The following THBS4 variants were observed in gnomAD, a reference collection of about 807,000 sequenced individuals.
THBS4 encodes thrombospondin-4.
Under a neutral mutation model 115.7 loss-of-function variants are expected in THBS4, and 90 were observed. That is an observed-to-expected ratio of 0.78 (90% CI 0.66 to 0.93). THBS4 has a LOEUF of 0.93. Ranked by LOEUF, THBS4 falls within the 40% of genes least tolerant of loss-of-function variation. The pLI, the probability that THBS4 is intolerant of heterozygous loss-of-function variation, is 0.00. For synonymous variants in THBS4, 460 were observed against 479.3 expected, an observed-to-expected ratio of 0.96 and a Z score of 0.53; for missense variants, 1,087 against 1,232.7, an observed-to-expected ratio of 0.88 and a Z score of 1.77.
rs772225176 is a variant in THBS4 at position 80,061,848 on chromosome 5, G to A, written c.1125+16G>A. 9 of 1,599,798 alleles carry A rather than the reference G, an allele frequency of 5.6e-6. No homozygotes were observed. Among genetic ancestry groups the A allele is most frequent in the Middle Eastern group, 1.7e-4 (1 of 5,968 alleles). ...AAACAAGCAGGTAGGCTGAAGTCAT[G>A]GTTTCTATTCATTTCTCATCTTAAC... is the stretch of plus-strand genomic sequence containing the variant. On this transcript the variant is annotated intron_variant, in intron 8 of 21. Transcript: ENST00000350881.
chr5:79,993,129 C>A (rs1390550854), intron 1 of THBS4, among the ~76,000 whole-genome samples: 1 of 152,354 alleles, frequency 6.6e-6, no homozygotes, highest in East Asian at 1.9e-4. Flanking sequence ...GTTTGGCCTT[C>A]TTCCGTACTG....
rs569771053 is a variant in THBS4 at position 80,074,076 on chromosome 5, T to C, written c.1892+749T>C. On this transcript the variant is annotated intron_variant, in intron 15 of 21. Transcript: ENST00000350881. ...CCATCGTGAAGATTGAGTTGATCCATGGAAAGTGCTCATTATGGTTTCTGT... is the reference window on the plus strand; with the variant it reads ...CCATCGTGAAGATTGAGTTGATCCACGGAAAGTGCTCATTATGGTTTCTGT... 3.9e-5 allele frequency among the ~76,000 whole-genome samples: 6 copies of C among 152,236 alleles called. No homozygotes were observed. The South Asian group carries it at 8.3e-4, about 21-fold the overall frequency.
At chr5:80,034,559 C>T (rs1240692008), upstream of THBS4, among the ~76,000 whole-genome samples, 1 of 152,188 alleles carries the variant, frequency 6.6e-6, no homozygotes, top group African/African-American at 2.4e-5. Flanking sequence ...CCTCCGATCT[C>T]TTTCAAGTTC....
chr5:80,003,851 T>C (rs1178438031), intron 2 of THBS4, among the ~76,000 whole-genome samples: 2 of 152,222 alleles, frequency 1.3e-5, no homozygotes, highest in Non-Finnish European at 2.9e-5. Flanking sequence ...CAAAAGCCGC[T>C]TGTTGAGAGG....
chr5:80,037,129 TATA>T (rs1224295140), intron 1 of THBS4, among the ~76,000 whole-genome samples: 4 of 152,206 alleles, frequency 2.6e-5, no homozygotes, highest in Non-Finnish European at 5.9e-5. Flanking sequence ...AATTTATAGG[TATA>T]ATTTTTTTGT....
chr5:80,071,491 C>T (rs753955302), intron 13 of THBS4, among the ~76,000 whole-genome samples: 7 of 152,136 alleles, frequency 4.6e-5, no homozygotes, highest in Non-Finnish European at 7.3e-5. Flanking sequence ...TTCTACCTGT[C>T]CTCACTCTCC....
chr5:79,998,566 A>G (rs1487142011), intron 2 of THBS4: 1 of 152,212 alleles, frequency 6.6e-6, no homozygotes, highest in African/African-American at 2.4e-5. Context: ...CAGACCCAAA[A>G]TTGGTGAAAT....
At chr5:80,075,790 T>G (rs1743176892) in intron 15 of THBS4, among the ~76,000 whole-genome samples, 1 of 152,232 alleles carries the variant, frequency 6.6e-6, no homozygotes, top group Admixed American at 6.5e-5. Flanking sequence ...TCTTGTGTTT[T>G]ATAAAGCAGA....
At chr5:80,065,106 A>C (rs904072945) in intron 8 of THBS4, among the ~76,000 whole-genome samples, 2 of 152,148 alleles carry the variant, frequency 1.3e-5, no homozygotes, top group East Asian at 3.9e-4. Context: ...ATTGATTCCC[A>C]AGCAAGATTA....
intron 15 of THBS4, among the ~76,000 whole-genome samples, chr5:80,074,767 C>T (rs548772402): frequency 6.6e-6 from 1 of 152,036 alleles, no homozygotes; most frequent in Non-Finnish European, 1.5e-5. Context: ...GTGTGTGCCA[C>T]CATGCTGGCT....
chr5:80,071,848 A>G (rs567808640), intron 13 of THBS4: 20 of 176,074 alleles, frequency 1.1e-4, no homozygotes, highest in Non-Finnish European at 1.9e-4. Flanking sequence ...CATTGTCCTC[A>G]TTGCTGATTT....
intron 1 of THBS4, among the ~76,000 whole-genome samples, chr5:80,037,377 C>A (rs1423296528): frequency 6.6e-6 from 1 of 152,134 alleles, no homozygotes; most frequent in Non-Finnish European, 1.5e-5. Flanking sequence ...TCTCCTTCTT[C>A]CCCTGAGCTT....
upstream of THBS4, among the ~76,000 whole-genome samples, chr5:80,031,128 T>C (rs1356441417): frequency 6.6e-6 from 1 of 152,118 alleles, no homozygotes. Flanking sequence ...ACATAATACG[T>C]TTTTTTGGGG....
In THBS4 at chr5:80,055,778, CT is replaced by C; in HGVS notation, c.293-5del. ...CACACCATTGGTTGACCTGTGCTTG[CT>C]TCCAGCCATCCTCCGTTACCTGAAG... On this transcript the variant is annotated splice_polypyrimidine_tract_variant and splice_region_variant and intron_variant, in intron 2 of 21. Transcript: ENST00000350881. The C allele has an allele frequency of 2.5e-6, 4 of 1,609,986 alleles. No individual in the cohort carries two copies. The highest frequency in any genetic ancestry group is 3.4e-6 in the Non-Finnish European group (4 of 1,177,182).
chr5:80,016,553 TTC>T (rs1433259685), intron 2 of THBS4, among the ~76,000 whole-genome samples: 1 of 152,168 alleles, frequency 6.6e-6, no homozygotes, highest in Non-Finnish European at 1.5e-5. Flanking sequence ...GCAGGGCAGG[TTC>T]TTTACTGATG....
chr5:80,058,862 G>A (rs1833524759), intron 5 of THBS4, 72 bp downstream of exon 5: 2 of 1,463,002 alleles, frequency 1.4e-6, no homozygotes, highest in African/African-American at 1.4e-5. Context: ...TAGTGGAGCT[G>A]CAGGCCTGCC....
intron 1 of THBS4, among the ~76,000 whole-genome samples, chr5:79,996,187 A>G (rs6882768): frequency 0.61 from 93,149 of 151,868 alleles, 28,687 homozygotes; most frequent in South Asian, 0.66. Context: ...TCAGGGGTTA[A>G]TAAAAAGTAA....
At chr5:80,019,687 CT>C (rs1832322608) in intron 2 of THBS4, 1 of 190,036 alleles carries the variant, frequency 5.3e-6, no homozygotes, top group Non-Finnish European at 1.1e-5. Flanking sequence ...AATGCAGTAG[CT>C]AGCCCTCTGG....
chr5:80,071,328 A>AC, intron 13 of THBS4, 148 bp downstream of exon 13: 1 of 1,378,132 alleles, frequency 7.3e-7, no homozygotes, highest in Non-Finnish European at 9.5e-7. Context: ...CCCAAGGTGG[A>AC]CTTGTGTCTA....
Sources: gnomAD v4.1 joint callset for allele counts (sites outside exome capture counted in the v4.1 genomes callset) on GRCh38, gnomAD v4.1.1 for gene constraint, MANE v1.5 for transcripts, NCBI Gene and HGNC (gene_info 2026-07-23, HGNC 2026-07-21) for gene names.